The following ROBO2 variants were observed in gnomAD, a reference collection of about 807,000 sequenced individuals.
ROBO2 encodes roundabout homolog 2.
In ROBO2, 53 loss-of-function variants were observed where a neutral mutation model predicts 160.8. The observed-to-expected ratio is 0.33, with a 90% CI of 0.26 to 0.41. The LOEUF (loss-of-function observed/expected upper bound fraction) is 0.41. Ranked by LOEUF, ROBO2 falls within the 10% of genes least tolerant of loss-of-function variation. The pLI, the probability that ROBO2 is intolerant of heterozygous loss-of-function variation, is 1.00. For missense variants in ROBO2, 1,577 were observed against 1,722.4 expected, an observed-to-expected ratio of 0.92 and a Z score of 1.49; for synonymous variants, 664 against 611.7, an observed-to-expected ratio of 1.09 and a Z score of -1.26.
At chr3:77,111,512 A>C (rs1332968022) in intron 2 of ROBO2, among the ~76,000 whole-genome samples, 1 of 152,234 alleles carries the variant, frequency 6.6e-6, no homozygotes, top group African/African-American at 2.4e-5. Context: ...TTGAGTGTCC[A>C]TGATCTGTTA....
intron 2 of ROBO2, among the ~76,000 whole-genome samples, chr3:76,284,451 G>C (rs544509093): frequency 6.6e-6 from 1 of 151,910 alleles, no homozygotes; most frequent in Non-Finnish European, 1.5e-5. Flanking sequence ...CCTTCCAAGG[G>C]CATCTCCCAT....
chr3:76,640,587 T>TG (rs1560287534), intron 2 of ROBO2, among the ~76,000 whole-genome samples: 9 of 55,396 alleles, frequency 1.6e-4, no homozygotes, highest in African/African-American at 4.6e-4. Context: ...CAATGCGTGT[T>TG]TGCGTGTGAG....
At position 77,555,374 on chromosome 3, in the gene ROBO2, C is replaced by T. The variant is rs530433582; in HGVS notation, c.1232-2570C>T. Among the ~76,000 whole-genome samples the T allele has an allele frequency of 4.6e-5, 7 of 151,912 alleles. No homozygotes were observed. The East Asian group carries it at 5.8e-4, about 13-fold the overall frequency. ...CAGTGTATCTGTTGTCACATTTTTG[C>T]GCTTAGACTCATTTTCTGGAAATAT... On this transcript the variant is annotated intron_variant, in intron 8 of 25. Coordinates refer to ENST00000461745, the Ensembl canonical transcript of ROBO2.
At chr3:76,693,973 T>C (rs2092871574) in intron 2 of ROBO2, among the ~76,000 whole-genome samples, 1 of 152,226 alleles carries the variant, frequency 6.6e-6, no homozygotes, top group Non-Finnish European at 1.5e-5. Flanking sequence ...TTACCAGCCA[T>C]CTGGCTAACA....
intron 2 of ROBO2, among the ~76,000 whole-genome samples, chr3:76,261,093 G>C (rs1050100529): frequency 1.3e-5 from 2 of 151,840 alleles, no homozygotes; most frequent in Non-Finnish European, 2.9e-5. Context: ...TCAACTTTCA[G>C]TCTGAATTTC....
In ROBO2 at chr3:76,787,065, A is replaced by G. The variant is rs2063029241; in HGVS notation, c.110-310949A>G. Among the ~76,000 whole-genome samples, 2 of 151,140 alleles carry G rather than the reference A, an allele frequency of 1.3e-5. 1 individual carries two copies. Among genetic ancestry groups the G allele is most frequent in the South Asian group, 4.2e-4 (2 of 4,816 alleles). On this transcript the variant is annotated intron_variant, in intron 2 of 26. Transcript: ENST00000487694. ...AAGTTCTACATATGTTCAAACAACC[A>G]GGTCTCATGAGAACTCACTCAATAT... is the stretch of plus-strand genomic sequence containing the variant.
chr3:77,031,471 G>T (rs1293694139), intron 2 of ROBO2, among the ~76,000 whole-genome samples: 2 of 144,944 alleles, frequency 1.4e-5, no homozygotes, highest in African/African-American at 5.0e-5. Context: ...AATGATATAT[G>T]ACTATTATAT....
intron 2 of ROBO2, among the ~76,000 whole-genome samples, chr3:77,376,780 G>A (rs1359760969): frequency 6.6e-6 from 1 of 152,160 alleles, no homozygotes; most frequent in East Asian, 1.9e-4. Context: ...CACTAGCAGA[G>A]GGCTGGGCTC....
intron 2 of ROBO2, among the ~76,000 whole-genome samples, chr3:76,926,237 A>C (rs2076982285): frequency 6.6e-6 from 1 of 152,138 alleles, no homozygotes; most frequent in African/African-American, 2.4e-5. Context: ...GGTCGTACTA[A>C]AATTTTATCT....
In ROBO2 at chr3:76,476,021, T is replaced by C. The variant is rs184189665; in HGVS notation, c.109+538419T>C. On this transcript the variant is annotated intron_variant, in intron 2 of 26. Coordinates refer to the ROBO2 transcript ENST00000487694. The stretch of plus-strand genomic sequence containing the variant: ...TACAAAAATTAGCCAGGTGTGCTGG[T>C]GGTCGCCTGTAATCCAAGCTACTTG... Among the ~76,000 whole-genome samples, 83 of 152,162 alleles carry C rather than the reference T, an allele frequency of 5.5e-4. 1 individual carries two copies. The East Asian group carries it at 0.014, about 26-fold the overall frequency.
intron 2 of ROBO2, among the ~76,000 whole-genome samples, chr3:76,101,922 C>T (rs549202303): frequency 1.5e-4 from 21 of 144,464 alleles, no homozygotes; most frequent in African/African-American, 5.5e-4. Context: ...CATTGTACCC[C>T]AGGGTGTGAT....
At chr3:77,048,335 T>C (rs1412505339) in intron 1 of ROBO2, among the ~76,000 whole-genome samples, 2 of 152,150 alleles carry the variant, frequency 1.3e-5, no homozygotes, top group Non-Finnish European at 2.9e-5. Flanking sequence ...CCTACACAGC[T>C]GTGACAGTTG....
chr3:77,098,248 G>A (rs756941236), exon 2 of ROBO2: 1 of 1,614,192 alleles, frequency 6.2e-7, no homozygotes, highest in Non-Finnish European at 8.5e-7. Context: ...GTGCACGGGC[G>A]CAGGAGTAAA....
chr3:77,266,889 A>G (rs190055204), intron 2 of ROBO2, among the ~76,000 whole-genome samples: 6 of 152,126 alleles, frequency 3.9e-5, no homozygotes, highest in Admixed American at 3.3e-4. Context: ...TTTCTCTCCA[A>G]AATATTCGAT....
intron 2 of ROBO2, among the ~76,000 whole-genome samples, chr3:76,987,082 G>A (rs917390176): frequency 1.3e-5 from 2 of 152,184 alleles, no homozygotes; most frequent in African/African-American, 2.4e-5. Flanking sequence ...AGTAAAAGAA[G>A]CAGGCGCTAA....
intron 2 of ROBO2, among the ~76,000 whole-genome samples, chr3:77,415,808 G>A (rs939022219): frequency 6.6e-6 from 1 of 152,050 alleles, no homozygotes; most frequent in African/African-American, 2.4e-5. Context: ...GAGTCCCCAG[G>A]TTTGAGCCCC....
At chr3:76,264,043 G>A (rs930118079) in intron 2 of ROBO2, among the ~76,000 whole-genome samples, 1 of 152,086 alleles carries the variant, frequency 6.6e-6, no homozygotes, top group Non-Finnish European at 1.5e-5. Context: ...CACAGGGAGA[G>A]GAATATCACA....
rs183546073 is a variant in ROBO2, at chr3:76,250,756, T to A, written c.109+313154T>A. 3.6e-3 allele frequency among the ~76,000 whole-genome samples: 547 copies of A among 152,220 alleles called. 3 individuals are homozygous for A. The highest frequency in any genetic ancestry group is 0.013 in the African/African-American group (526 of 41,560). On this transcript the variant is annotated intron_variant, in intron 2 of 26. Coordinates refer to the ROBO2 transcript ENST00000487694. The stretch of plus-strand genomic sequence containing the variant: ...AGTACTAAAAATGGAGAAAGGTTTT[T>A]AAAAAGTTTCTTTTAACTTCTACCC...
chr3:77,537,179 T>G (rs2092172368), intron 6 of ROBO2, among the ~76,000 whole-genome samples: 1 of 151,814 alleles, frequency 6.6e-6, no homozygotes, highest in East Asian at 2.0e-4. Context: ...CACATGGCAA[T>G]TCAGAAGCCA....
Sources: allele counts gnomAD v4.1 joint callset (sites outside exome capture counted in the v4.1 genomes callset), GRCh38; gene constraint gnomAD v4.1.1; transcripts MANE v1.5; gene names NCBI Gene and HGNC (gene_info 2026-07-23, HGNC 2026-07-21).